UBN2: variants seen among roughly 807,000 people sequenced by gnomAD.
UBN2 encodes ubinuclein 2.
A neutral mutation model predicts 120.2 loss-of-function variants in UBN2; 35 were observed. The observed-to-expected ratio is 0.29, with a 90% CI of 0.22 to 0.39. The LOEUF is 0.39. Ranked by LOEUF, UBN2 falls within the 10% of genes least tolerant of loss-of-function variation. The pLI, the probability that UBN2 is intolerant of heterozygous loss-of-function variation, is 1.00. For synonymous variants in UBN2, 661 were observed against 648.7 expected (o/e 1.02, Z -0.29); for missense variants, 1,693 against 1,663.2 (o/e 1.02, Z -0.31).
chr7:139,289,647 G>A (rs1797893826), intron 15 of UBN2, among the ~76,000 whole-genome samples: 1 of 151,946 alleles, frequency 6.6e-6, no homozygotes, highest in Non-Finnish European at 1.5e-5. Context: ...CCTGGCCTCA[G>A]GTGATTCACC....
At chr7:139,249,219 A>T (rs942507499) in intron 2 of UBN2, among the ~76,000 whole-genome samples, 1 of 152,186 alleles carries the variant, frequency 6.6e-6, no homozygotes, top group African/African-American at 2.4e-5. Flanking sequence ...ATTTCGCACC[A>T]CAGTACCTTT....
At position 139,283,334 on chromosome 7, in the gene UBN2, T is replaced by A. The variant is rs753672580; in HGVS notation, c.2429T>A (p.Met810Lys). ...AGAGAAGAAAAATTAGCAAGTATCA[T>A]GAGTAAGCTGCCACTAGCTACTCCC... ...GLREEKLASI[M>K]SKLPLATPKK... is the part of the protein sequence containing the mutation. The change falls in exon 15 of 18, where the codon ATG becomes AAG. Residue 810 changes from methionine (M) to lysine (K), a missense_variant. By Grantham distance (95) the Met-to-Lys change is moderately conservative. Transcript: ENST00000473989. The A allele has an allele frequency of 6.2e-7, 1 of 1,613,972 alleles. No individual in the cohort carries two copies. Among genetic ancestry groups the A allele is most frequent in the Admixed American group, 1.7e-5 (1 of 59,998 alleles).
intron 2 of UBN2, among the ~76,000 whole-genome samples, chr7:139,244,898 C>T (rs947682301): frequency 1.3e-5 from 2 of 151,682 alleles, no homozygotes; most frequent in African/African-American, 4.8e-5. Flanking sequence ...TTCTTGTTAC[C>T]TTCTATATTA....
chr7:139,242,005 CA>C (rs990185603), intron 2 of UBN2, among the ~76,000 whole-genome samples: 3 of 151,558 alleles, frequency 2.0e-5, no homozygotes, highest in African/African-American at 4.8e-5. Context: ...CTCCCCCCCC[CA>C]AAAAAAGTCT....
intron 2 of UBN2, among the ~76,000 whole-genome samples, chr7:139,250,418 A>G (rs1317034577): frequency 6.6e-6 from 1 of 151,920 alleles, no homozygotes; most frequent in East Asian, 1.9e-4. Flanking sequence ...TTTTTAGTAT[A>G]GATGGGCCTC....
intron 17 of UBN2, among the ~76,000 whole-genome samples, chr7:139,296,198 A>G (rs1563230429): frequency 6.6e-6 from 1 of 152,256 alleles, no homozygotes; most frequent in Non-Finnish European, 1.5e-5. Context: ...TATTTAGTCT[A>G]AAACAAAGGT....
downstream of UBN2, among the ~76,000 whole-genome samples, chr7:139,308,418 A>G (rs534830939): frequency 1.6e-4 from 25 of 152,238 alleles, no homozygotes; most frequent in East Asian, 3.5e-3. Flanking sequence ...TTAAAAGATA[A>G]TGGTTCAAAA....
At chr7:139,293,636 G>T in intron 16 of UBN2, 173 bp downstream of exon 16, 1 of 652,154 alleles carries the variant, frequency 1.5e-6, no homozygotes. Flanking sequence ...GGACACTGGG[G>T]TTTTATATAC....
At chr7:139,262,178 C>T (rs1163413761) in intron 6 of UBN2, among the ~76,000 whole-genome samples, 1 of 152,062 alleles carries the variant, frequency 6.6e-6, no homozygotes. Flanking sequence ...CTGCTCACTG[C>T]AACTTCTGCC....
intron 15 of UBN2, among the ~76,000 whole-genome samples, chr7:139,287,537 T>C (rs971998519): frequency 7.2e-5 from 11 of 152,192 alleles, no homozygotes; most frequent in Non-Finnish European, 1.2e-4. Flanking sequence ...TAACAAATAA[T>C]TGGTTTGTCA....
At chr7:139,320,702 C>G in the UBN2 span, among the ~76,000 whole-genome samples, 1 of 151,562 alleles carries the variant, frequency 6.6e-6, no homozygotes, top group Non-Finnish European at 1.5e-5. Flanking sequence ...ACTAAAAATA[C>G]AAAAATTAGC....
At chr7:139,280,615 T>A (rs1725779833) in intron 13 of UBN2, among the ~76,000 whole-genome samples, 1 of 152,076 alleles carries the variant, frequency 6.6e-6, no homozygotes, top group Non-Finnish European at 1.5e-5. Context: ...AGAGCCTCTT[T>A]AAATGCAGGG....
downstream of UBN2, among the ~76,000 whole-genome samples, chr7:139,311,733 A>C (rs1007953955): frequency 4.6e-5 from 7 of 152,228 alleles, no homozygotes; most frequent in Admixed American, 2.6e-4. Flanking sequence ...TTGTTTAAAA[A>C]TCTGGTGTAG....
At chr7:139,238,771 G>T (rs555002923) in intron 2 of UBN2, among the ~76,000 whole-genome samples, 1 of 152,220 alleles carries the variant, frequency 6.6e-6, no homozygotes, top group East Asian at 1.9e-4. Context: ...ATTTTTCCGA[G>T]ACCCTATTGT....
At chr7:139,251,402 C>A (rs1042490803) in intron 2 of UBN2, among the ~76,000 whole-genome samples, 2 of 152,172 alleles carry the variant, frequency 1.3e-5, no homozygotes, top group African/African-American at 4.8e-5. Flanking sequence ...CTAGTTTTCT[C>A]CTAGTGTCTT....
intron 1 of UBN2, among the ~76,000 whole-genome samples, chr7:139,233,708 A>G (rs1796088152): frequency 6.6e-6 from 1 of 152,180 alleles, no homozygotes; most frequent in Non-Finnish European, 1.5e-5. Context: ...GTAGAAATAC[A>G]AAGACCTTTA....
At chr7:139,274,152 T>A (rs1311958051) in intron 11 of UBN2, 78 bp downstream of exon 11, 1 of 1,361,942 alleles carries the variant, frequency 7.3e-7, no homozygotes, top group African/African-American at 1.5e-5. Flanking sequence ...CACATACACA[T>A]ATGTGACATT....
At chr7:139,236,137 A>G (rs1025473863) in intron 1 of UBN2, among the ~76,000 whole-genome samples, 3 of 152,206 alleles carry the variant, frequency 2.0e-5, no homozygotes, top group Non-Finnish European at 4.4e-5. Flanking sequence ...AAAATAGAAG[A>G]CTTAAGGATG....
At chr7:139,285,270 G>A (rs913773036) in intron 15 of UBN2, among the ~76,000 whole-genome samples, 10 of 152,096 alleles carry the variant, frequency 6.6e-5, no homozygotes, top group Non-Finnish European at 1.2e-4. Flanking sequence ...ACTTTGGGAG[G>A]CCAAGGCAGG....
Sources: allele counts gnomAD v4.1 joint callset (sites outside exome capture counted in the v4.1 genomes callset), GRCh38; gene constraint gnomAD v4.1.1; transcripts MANE v1.5; gene names NCBI Gene and HGNC (gene_info 2026-07-23, HGNC 2026-07-21).